Variants in ABI3 observed in about 807,000 individuals in gnomAD.
ABI3 encodes ABI gene family member 3.
A neutral mutation model predicts 37.0 loss-of-function variants in ABI3; 24 were observed. The ratio of observed to expected loss-of-function variants is 0.65; its 90% CI spans 0.47 to 0.91. The LOEUF is 0.91. Among genes scored for constraint, ABI3 ranks in the 40% least tolerant of loss-of-function variants. ABI3 has a pLI of 0.00. For missense variants in ABI3, 481 were observed against 485.1 expected (o/e 0.99, Z 0.08); for synonymous variants, 220 against 211.8 (o/e 1.04, Z -0.34).
rs1567886368 is a variant in ABI3 at position 49,222,578 on chromosome 17, C to T, written c.964C>T (p.Gln322Ter). The T allele has an allele frequency of 2.5e-6, 4 of 1,614,036 alleles. No individual in the cohort carries two copies. Among genetic ancestry groups the T allele is most frequent in the Admixed American group, 3.3e-5 (2 of 60,022 alleles). ...GGTGACACTGTACCCATACACCAGC[C>T]AGAAGGACAATGAGCTCTCCTTCTC... ...KVVTLYPYTS[Q>*]KDNELSFSEG... The change falls in exon 8 of 8, where the codon CAG becomes TAG. Residue 322 changes from glutamine (Q) to a stop codon, truncating the protein, a stop_gained. Coordinates refer to ENST00000225941, the MANE Select transcript of ABI3 (RefSeq NM_016428.3). LOFTEE classifies it high-confidence loss of function.
intron 2 of ABI3, 144 bp from the exon 3 acceptor site, chr17:49,217,595 G>A: frequency 3.0e-6 from 2 of 662,798 alleles, no homozygotes; most frequent in Non-Finnish European, 4.7e-6. Flanking sequence ...GCCTGGTGGG[G>A]GGCGGGGGGC....
chr17:49,211,276 G>A (rs781129458), intron 1 of ABI3, among the ~76,000 whole-genome samples: 18 of 152,154 alleles, frequency 1.2e-4, no homozygotes. Flanking sequence ...AAGGGAAAGG[G>A]GCTCTTTCCC....
At chr17:49,215,418 G>C (rs1197848715) in intron 1 of ABI3, among the ~76,000 whole-genome samples, 4 of 152,056 alleles carry the variant, frequency 2.6e-5, no homozygotes, top group Non-Finnish European at 4.4e-5. Context: ...AAGTCCCTCT[G>C]TTCTGGGCCT....
At chr17:49,213,684 G>T (rs528263663) in intron 1 of ABI3, among the ~76,000 whole-genome samples, 1 of 152,240 alleles carries the variant, frequency 6.6e-6, no homozygotes, top group African/African-American at 2.4e-5. Context: ...GCAAAGCCAG[G>T]GGTCGGTAGG....
At chr17:49,211,893 G>A (rs973663300) in intron 1 of ABI3, among the ~76,000 whole-genome samples, 4 of 151,284 alleles carry the variant, frequency 2.6e-5, no homozygotes, top group African/African-American at 9.7e-5. Context: ...TGATCCACCC[G>A]CCTTGGCCTC....
Position 49,220,149 on chromosome 17 carries a change from C to A in ABI3, c.645-20C>A, listed in dbSNP as rs760290407. 1 of 1,611,396 alleles carries A rather than the reference C, an allele frequency of 6.2e-7. No individual in the cohort carries two copies. Among genetic ancestry groups the A allele is most frequent in the Non-Finnish European group, 8.5e-7 (1 of 1,179,928 alleles). ...GCATTAGGGAAGGCGTGTCCGCCAA[C>A]CGGGCTCTCTGGTGTTCAGCAGCGC... On this transcript the variant is annotated intron_variant, in intron 5 of 7. Coordinates refer to ENST00000225941, the MANE Select transcript of ABI3 (RefSeq NM_016428.3).
At chr17:49,212,517 A>T (rs1258609130) in intron 1 of ABI3, among the ~76,000 whole-genome samples, 1 of 152,214 alleles carries the variant, frequency 6.6e-6, no homozygotes, top group Non-Finnish European at 1.5e-5. Flanking sequence ...GCTCATGGGA[A>T]ATGGCAGATT....
In ABI3 at chr17:49,216,544, G is replaced by A. The variant is rs2233369; in HGVS notation, c.131G>A (p.Arg44Gln). ...EDNYVQATDK[R>Q]KALEETMAFT... is the part of the protein sequence containing the mutation. ...TGTGTATTTCAGGCCACAGACAAGC[G>A]GAAGGCGCTGGAGGAGACCATGGCC... Residue 44 changes from arginine (R) to glutamine (Q), a missense_variant, in exon 2 of 8, where the codon CGG (arginine) becomes CAG (glutamine). Coordinates refer to ENST00000225941, the MANE Select transcript of ABI3 (RefSeq NM_016428.3). 0.066 allele frequency: 104,932 copies of A among 1,586,002 alleles called. 5,179 individuals carry two copies. The highest frequency in any genetic ancestry group is 0.2 in the Admixed American group (11,228 of 54,778).
Position 49,212,127 on chromosome 17 carries a change from A to T in ABI3, c.117+1286A>T, listed in dbSNP as rs1401522252. Among the ~76,000 whole-genome samples the T allele has an allele frequency of 4.0e-5, 6 of 151,366 alleles. No individual in the cohort carries two copies. In the East Asian group the frequency reaches 1.2e-3, roughly 30 times the overall value. ...CCACCATGCCTGGCTAATTTTTTAAATTTTTTTGTAAAGACAGGGTCTCCA... is the reference window on the plus strand; with the variant it reads ...CCACCATGCCTGGCTAATTTTTTAATTTTTTTTGTAAAGACAGGGTCTCCA... On this transcript the variant is annotated intron_variant, in intron 1 of 7. Coordinates refer to ENST00000225941, the MANE Select transcript of ABI3 (RefSeq NM_016428.3).
At chr17:49,214,296 G>C (rs183563668) in intron 1 of ABI3, among the ~76,000 whole-genome samples, 1 of 152,176 alleles carries the variant, frequency 6.6e-6, no homozygotes, top group Non-Finnish European at 1.5e-5. Flanking sequence ...GCCTTAGAAA[G>C]GTACAGGCTA....
chr17:49,222,413 T>A, intron 7 of ABI3, 139 bp from the exon 8 acceptor site: 1 of 1,353,432 alleles, frequency 7.4e-7, no homozygotes, highest in East Asian at 2.4e-5. Context: ...TGGGGAGGGG[T>A]CCTGAAGGCT....
intron 1 of ABI3, among the ~76,000 whole-genome samples, chr17:49,213,261 C>T (rs989303098): frequency 1.3e-5 from 2 of 152,184 alleles, no homozygotes; most frequent in African/African-American, 4.8e-5. Flanking sequence ...AGAAGCTGTC[C>T]TTGCAAAAAT....
At chr17:49,222,063 C>CT (rs1567885908) in intron 6 of ABI3, 28 bp from the exon 7 acceptor site, 2 of 1,569,444 alleles carry the variant, frequency 1.3e-6, no homozygotes, top group East Asian at 2.3e-5. Context: ...CTGTGCCACA[C>CT]TTACAGCCTT....
In ABI3 at chr17:49,222,638, T is replaced by C. The variant is rs895557686; in HGVS notation, c.1024T>C (p.Ser342Pro). ...GTVICVTRRY[S>P]DGWCEGVSSE... ...TGTCATCTGTGTCACTCGCCGCTAC[T>C]CCGATGGCTGGTGCGAGGGCGTCAG... The change falls in exon 8 of 8, where the codon TCC becomes CCC. Residue 342 changes from serine to proline, a missense_variant. Ser to Pro is a moderately conservative substitution (Grantham distance 74). Coordinates refer to ENST00000225941, the MANE Select transcript of ABI3 (RefSeq NM_016428.3). 4.3e-6 allele frequency: 7 copies of C among 1,613,830 alleles called. No individual in the cohort carries two copies. In the Admixed American group the frequency reaches 8.3e-5, roughly 19 times the overall value.
Position 49,210,762 on chromosome 17 carries a change from C to T in ABI3, c.38C>T (p.Pro13Leu). 1 of 1,555,964 alleles carries T rather than the reference C, an allele frequency of 6.4e-7. No homozygotes were observed. The highest frequency in any genetic ancestry group is 8.7e-7 in the Non-Finnish European group (1 of 1,149,558). The change falls in exon 1 of 8, where the codon CCC (proline) becomes CTC (leucine). Residue 13 changes from proline (P) to leucine (L), a missense_variant. Transcript: ENST00000225941. This position sits in a 1 kb window ranked among gnomAD's most constrained non-coding sequence, Gnocchi z 4.2. ...ELQQLQEFEI[P>L]TGREALRGNH... Reference sequence around the variant, plus strand: ...CAGCAGCTGCAGGAGTTTGAGATCCCCACTGGCCGGGAGGCTCTGAGGGGC... The same window carrying T: ...CAGCAGCTGCAGGAGTTTGAGATCCTCACTGGCCGGGAGGCTCTGAGGGGC...
rs1451993142 is a variant in ABI3 at position 49,216,680 on chromosome 17, T to C, written c.267T>C (p.Arg89=). 6.3e-7 allele frequency: 1 copy of C among 1,584,990 alleles called. No individual in the cohort carries two copies. The highest frequency in any genetic ancestry group is 8.6e-7 in the Non-Finnish European group (1 of 1,165,324). Residue 89 remains arginine, a synonymous_variant, in exon 2 of 8, where the codon CGT becomes CGC. Transcript: ENST00000225941. ...QGAALRQVEA[R]VSTLGQMVNM... ...CCGCCCTGCGGCAGGTGGAAGCCCG[T>C]GTAAGCACGCTGGGCCAGGTAAGGG...
chr17:49,215,590 C>T (rs181343748), intron 1 of ABI3, among the ~76,000 whole-genome samples: 2,271 of 152,024 alleles, frequency 0.015, 25 homozygotes, highest in Admixed American at 0.02. Context: ...CTCCGCCTCC[C>T]GGGTTCAAGT....
At chr17:49,215,337 G>A (rs988152384) in intron 1 of ABI3, among the ~76,000 whole-genome samples, 3 of 152,186 alleles carry the variant, frequency 2.0e-5, no homozygotes, top group Non-Finnish European at 4.4e-5. Flanking sequence ...GGGGCTGTAC[G>A]TAGGCCACGG....
chr17:49,222,209 C>A lies in ABI3; in HGVS notation c.921C>A (p.Ala307=), dbSNP rs781154941. 2 of 1,613,216 alleles carry A rather than the reference C, an allele frequency of 1.2e-6. No homozygotes were observed. Among genetic ancestry groups the A allele is most frequent in the Non-Finnish European group, 1.7e-6 (2 of 1,179,670 alleles). ...CTGATGAGCCCAGCTGGGTGCCTGCCTCATACTTGGAGAAAGGTACCTGAC... is the reference window on the plus strand; with the variant it reads ...CTGATGAGCCCAGCTGGGTGCCTGCATCATACTTGGAGAAAGGTACCTGAC... The part of the protein sequence containing the change: ...FGPDEPSWVP[A]SYLEKVVTLY... The change falls in exon 7 of 8, where the codon GCC becomes GCA. Residue 307 remains alanine (A), a synonymous_variant. Transcript: ENST00000225941.
Sources: allele counts gnomAD v4.1 joint callset (sites outside exome capture counted in the v4.1 genomes callset), GRCh38; gene constraint gnomAD v4.1.1; non-coding constraint Gnocchi (gnomAD v3.1); transcripts MANE v1.5; gene names NCBI Gene and HGNC (gene_info 2026-07-23, HGNC 2026-07-21).